APCDD1: variants seen among roughly 807,000 people sequenced by gnomAD.
APCDD1 encodes the protein protein APCDD1.
APCDD1 carries 15 observed loss-of-function variants against 38.1 expected under a neutral mutation model. The observed-to-expected ratio is 0.39, with a 90% CI of 0.26 to 0.61. APCDD1 has a LOEUF of 0.61. Ranked by LOEUF, APCDD1 falls within the 20% of genes least tolerant of loss-of-function variation. APCDD1 has a pLI of 0.49. For missense variants in APCDD1, 647 were observed against 696.2 expected, an observed-to-expected ratio of 0.93 and a Z score of 0.79; for synonymous variants, 261 against 279.7, an observed-to-expected ratio of 0.93 and a Z score of 0.67.
chr18:10,460,539 A>AAC (rs2030511426), intron 1 of APCDD1, among the ~76,000 whole-genome samples: 1 of 151,870 alleles, frequency 6.6e-6, no homozygotes, highest in Admixed American at 6.6e-5. Context: ...TCTCAAAAAA[A>AAC]AAAAAACAAA....
intron 1 of APCDD1, among the ~76,000 whole-genome samples, chr18:10,457,240 T>C (rs2030405983): frequency 6.6e-6 from 1 of 152,228 alleles, no homozygotes; most frequent in Non-Finnish European, 1.5e-5. Context: ...GCAAGGATAA[T>C]GTAAAGCACC....
At position 10,485,480 on chromosome 18, in the gene APCDD1, A is replaced by G. The variant is rs146444390; in HGVS notation, c.793A>G (p.Ile265Val). 8.7e-6 allele frequency: 14 copies of G among 1,613,976 alleles called. No individual in the cohort carries two copies. Among genetic ancestry groups the G allele is most frequent in the African/African-American group, 4.0e-5 (3 of 74,908 alleles). ...GCTTCAGAACCACGACCATGCCTGC[A>G]TCGCCTGTCGGATCATCTATCGGTC... is the stretch of plus-strand genomic sequence containing the variant. The part of the protein sequence containing the change: ...QNAKNHDHAC[I>V]ACRIIYRSDE... The change falls in exon 4 of 5, where the codon ATC (isoleucine) becomes GTC (valine). Residue 265 changes from isoleucine (I) to valine (V), a missense_variant. Ile to Val is a conservative substitution (Grantham distance 29, BLOSUM62 3). Coordinates refer to ENST00000355285, the MANE Select transcript of APCDD1 (RefSeq NM_153000.5). The surrounding 1 kb of genome is among the most constrained non-coding windows in gnomAD (Gnocchi z 5.8).
chr18:10,463,161 C>T (rs2030615351), intron 1 of APCDD1, among the ~76,000 whole-genome samples: 1 of 151,942 alleles, frequency 6.6e-6, no homozygotes, highest in Admixed American at 6.6e-5. Context: ...CTTGAGTGTG[C>T]TCAAGCACAC....
intron 3 of APCDD1, among the ~76,000 whole-genome samples, chr18:10,482,481 G>T (rs74698375): frequency 0.01 from 1,539 of 152,240 alleles, 29 homozygotes; most frequent in African/African-American, 0.036. Context: ...CTGACTCCGC[G>T]CTTCTTGTTA....
At position 10,483,812 on chromosome 18, in the gene APCDD1, C is replaced by T. The variant is rs547114916; in HGVS notation, c.775-1650C>T. On this transcript the variant is annotated intron_variant, in intron 3 of 4. Coordinates refer to ENST00000355285, the MANE Select transcript of APCDD1 (RefSeq NM_153000.5). Reference sequence around the variant, plus strand: ...GCTACCAACTTCTACCTCCCTACCACAGCCTGATCCGATCGGCACGTGCTG... The same window carrying T: ...GCTACCAACTTCTACCTCCCTACCATAGCCTGATCCGATCGGCACGTGCTG... Among the ~76,000 whole-genome samples, 31 of 152,378 alleles carry T rather than the reference C, an allele frequency of 2.0e-4. No homozygotes were observed. The South Asian group carries it at 6.0e-3, about 29-fold the overall frequency.
intron 1 of APCDD1, among the ~76,000 whole-genome samples, chr18:10,456,013 CG>C (rs1450424142): frequency 3.9e-5 from 6 of 152,200 alleles, no homozygotes; most frequent in African/African-American, 7.2e-5. Context: ...AAACCTGTAG[CG>C]GGCTCCGGCT....
rs91958 is a variant in APCDD1, at chr18:10,485,366, T to C, written c.775-96T>C. ...GTGTCGAGGTTGTCAGTGATGGTGA[T>C]CTGGTGCCTGGTGAGACCCCATTTG... is the stretch of plus-strand genomic sequence containing the variant. On this transcript the variant is annotated intron_variant, in intron 3 of 4. Coordinates refer to ENST00000355285, the MANE Select transcript of APCDD1 (RefSeq NM_153000.5). This position sits in a 1 kb window ranked among gnomAD's most constrained non-coding sequence, Gnocchi z 5.8. 0.47 allele frequency: 635,668 copies of C among 1,356,416 alleles called. 152,374 individuals carry two copies. Among genetic ancestry groups the C allele is most frequent in the African/African-American group, 0.65 (45,795 of 70,076 alleles). 84.0% of individuals were successfully genotyped at this position (1,356,416 alleles called of 1,614,324 possible). A position where few individuals can be genotyped will look rare whatever the true frequency, so the allele number is the denominator to read the frequency against.
chr18:10,456,985 A>G (rs2030398644), intron 1 of APCDD1, among the ~76,000 whole-genome samples: 1 of 151,670 alleles, frequency 6.6e-6, no homozygotes, highest in African/African-American at 2.4e-5. Flanking sequence ...ATATGTGCAT[A>G]TGTATATATG....
chr18:10,464,566 G>T (rs959088433), intron 1 of APCDD1, among the ~76,000 whole-genome samples: 1 of 152,154 alleles, frequency 6.6e-6, no homozygotes, highest in Non-Finnish European at 1.5e-5. Flanking sequence ...GGGACTACAG[G>T]CATGTGCCAC....
At position 10,472,137 on chromosome 18, in the gene APCDD1, C is replaced by G. The variant is rs1288746958; in HGVS notation, c.774+76C>G. The stretch of plus-strand genomic sequence containing the variant: ...TTCTTAAAGGCTTGCCATGGGGGCT[C>G]TAGGGCACCCTTGAAAGGGGGAATT... On this transcript the variant is annotated intron_variant, in intron 3 of 4. Coordinates refer to ENST00000355285, the MANE Select transcript of APCDD1 (RefSeq NM_153000.5). The surrounding 1 kb of genome is among the most constrained non-coding windows in gnomAD (Gnocchi z 6.6). The G allele has an allele frequency of 1.6e-5, 25 of 1,592,682 alleles. No homozygotes were observed. The highest frequency in any genetic ancestry group is 2.0e-5 in the Non-Finnish European group (23 of 1,165,876).
intron 1 of APCDD1, among the ~76,000 whole-genome samples, chr18:10,460,614 A>G (rs1235900072): frequency 6.6e-6 from 1 of 152,110 alleles, no homozygotes; most frequent in Non-Finnish European, 1.5e-5. Flanking sequence ...ATACTGTCCT[A>G]TTTCACTTTT....
Position 10,487,763 on chromosome 18 carries a change from A to G in APCDD1, c.1270A>G (p.Ile424Val), listed in dbSNP as rs1483066324. The change falls in exon 5 of 5, where the codon ATC (isoleucine) becomes GTC (valine). Residue 424 changes from isoleucine (I) to valine (V), a missense_variant. By Grantham distance (29) the Ile-to-Val change is conservative. Coordinates refer to ENST00000355285, the MANE Select transcript of APCDD1 (RefSeq NM_153000.5). Reference protein sequence around the residue: ...GIKLPHTEYEIFKMEQDARGR... With the variant: ...GIKLPHTEYEVFKMEQDARGR... ...CAAACTACCTCACACGGAGTACGAG[A>G]TCTTCAAAATGGAACAGGATGCCCG... 1.2e-6 allele frequency: 2 copies of G among 1,614,108 alleles called. No homozygotes were observed. Among genetic ancestry groups the G allele is most frequent in the Non-Finnish European group, 1.7e-6 (2 of 1,180,022 alleles).
At position 10,475,193 on chromosome 18, in the gene APCDD1, G is replaced by A. The variant is rs112120055; in HGVS notation, c.774+3132G>A. Among the ~76,000 whole-genome samples, 4 of 152,296 alleles carry A rather than the reference G, an allele frequency of 2.6e-5. No homozygotes were observed. The highest frequency in any genetic ancestry group is 7.2e-5 in the African/African-American group (3 of 41,574). ...AGAGAGGAATGAAAATGACAATGTC[G>A]ACTGACCAGGGAACATCAAAGTGTT... is the stretch of plus-strand genomic sequence containing the variant. On this transcript the variant is annotated intron_variant, in intron 3 of 4. Transcript: ENST00000355285. This position sits in a 1 kb window ranked among gnomAD's most constrained non-coding sequence, Gnocchi z 4.0.
Position 10,485,301 on chromosome 18 carries a change from C to T in APCDD1, c.775-161C>T, listed in dbSNP as rs2031223799. Among the ~76,000 whole-genome samples the T allele has an allele frequency of 6.6e-6, 1 of 152,130 alleles. No individual in the cohort carries two copies. The highest frequency in any genetic ancestry group is 6.5e-5 in the Admixed American group (1 of 15,274). On this transcript the variant is annotated intron_variant, in intron 3 of 4. Transcript: ENST00000355285. This position sits in a 1 kb window ranked among gnomAD's most constrained non-coding sequence, Gnocchi z 5.8. ...CGTGTGCACTCACACATCACTCTCACCTCTGTCTGTGCCCGGAGCATGATT... is the reference window on the plus strand; with the variant it reads ...CGTGTGCACTCACACATCACTCTCATCTCTGTCTGTGCCCGGAGCATGATT...
At chr18:10,455,253 C>G (rs918341339) in intron 1 of APCDD1, among the ~76,000 whole-genome samples, 1 of 152,190 alleles carries the variant, frequency 6.6e-6, no homozygotes, top group African/African-American at 2.4e-5. Context: ...CCCCAGGGCG[C>G]CCGGAGCTCT....
chr18:10,466,007 C>T (rs1051868870), intron 1 of APCDD1, among the ~76,000 whole-genome samples: 15 of 152,172 alleles, frequency 9.9e-5, no homozygotes, highest in African/African-American at 3.6e-4. Context: ...GTTTACAAAT[C>T]AAGTTTTAGA....
At chr18:10,468,378 A>G in intron 1 of APCDD1, 91 bp from the exon 2 acceptor site, 1 of 1,343,884 alleles carries the variant, frequency 7.4e-7, no homozygotes, top group Non-Finnish European at 1.1e-6. Context: ...TCCCACCTTC[A>G]GCCACTGTCT....
chr18:10,455,066 C>T (rs745484399), intron 1 of APCDD1, 27 bp downstream of exon 1: 4 of 1,554,166 alleles, frequency 2.6e-6, no homozygotes, highest in South Asian at 2.4e-5. Flanking sequence ...CACTCGAGCG[C>T]TCCCAGCCGG....
At chr18:10,484,594 A>G (rs1224153392) in intron 3 of APCDD1, among the ~76,000 whole-genome samples, 2 of 151,964 alleles carry the variant, frequency 1.3e-5, no homozygotes. Context: ...CCCCCCTTCC[A>G]GCTCCTGCAA....
Sources: allele counts gnomAD v4.1 joint callset (sites outside exome capture counted in the v4.1 genomes callset), GRCh38; gene constraint gnomAD v4.1.1; non-coding constraint Gnocchi (gnomAD v3.1); transcripts MANE v1.5; gene names NCBI Gene and HGNC (gene_info 2026-07-23, HGNC 2026-07-21).